The following ZNF699 variants were observed in gnomAD, a reference collection of about 807,000 sequenced individuals.
ZNF699 encodes the protein hangover homolog.
A neutral mutation model predicts 22.5 loss-of-function variants in ZNF699; 18 were observed. The ratio of observed to expected loss-of-function variants is 0.80; its 90% CI spans 0.55 to 1.19. The LOEUF is 1.19. Among genes scored for constraint, ZNF699 ranks in the 50% most tolerant of loss-of-function variants. The pLI is 0.00. For missense variants in ZNF699, 670 were observed against 763.4 expected (o/e 0.88, Z 1.44); for synonymous variants, 241 against 262.3 (o/e 0.92, Z 0.78).
rs116497972 is a variant in ZNF699 at position 9,292,329 on chromosome 19, T to A, written c.*3146A>T. Among the ~76,000 whole-genome samples the A allele has an allele frequency of 7.6e-4, 115 of 152,248 alleles. No homozygotes were observed. The highest frequency in any genetic ancestry group is 2.6e-3 in the African/African-American group (109 of 41,552). On this transcript the variant is annotated 3_prime_UTR_variant, in exon 6 of 6. Transcript: ENST00000591998. ...CCCCAGGCCAGTGACTAGAGTACAG[T>A]GGGCAAGTGAGCCAATCAGAGCCAA...
chr19:9,307,882 G>A (rs1299293670), intron 1 of ZNF699, among the ~76,000 whole-genome samples: 1 of 151,566 alleles, frequency 6.6e-6, no homozygotes, highest in African/African-American at 2.4e-5. Flanking sequence ...AGGAGGCAGA[G>A]GTTGCAGTGA....
chr19:9,298,508 A>T (rs2144977291), intron 3 of ZNF699, among the ~76,000 whole-genome samples: 1 of 152,172 alleles, frequency 6.6e-6, no homozygotes, highest in South Asian at 2.1e-4. Flanking sequence ...AACTGATCTA[A>T]TGTTCACACC....
chr19:9,295,303 G>T lies in ZNF699; in HGVS notation c.*172C>A. Reference sequence around the variant, plus strand: ...ATACATAATAAGCAATGTTCATAAAGGCTTTAGCACATGACTTACATACAC... The same window carrying T: ...ATACATAATAAGCAATGTTCATAAATGCTTTAGCACATGACTTACATACAC... On this transcript the variant is annotated 3_prime_UTR_variant, in exon 6 of 6. Coordinates refer to ENST00000591998, the MANE Select transcript of ZNF699 (RefSeq NM_198535.3). 1.3e-6 allele frequency: 1 copy of T among 751,390 alleles called. No individual in the cohort carries two copies. Among genetic ancestry groups the T allele is most frequent in the Non-Finnish European group, 2.1e-6 (1 of 473,566 alleles). 46.5% of individuals were successfully genotyped at this position (751,390 alleles called of 1,614,324 possible).
At position 9,293,733 on chromosome 19, in the gene ZNF699, A is replaced by G. The variant is rs1341291501; in HGVS notation, c.*1742T>C. On this transcript the variant is annotated 3_prime_UTR_variant, in exon 6 of 6. Coordinates refer to ENST00000591998, the MANE Select transcript of ZNF699 (RefSeq NM_198535.3). ...TACATGAAATGTCATTAAGCTGTAC[A>G]TTGAAGATTAGCACACTTCATGCAT... is the stretch of plus-strand genomic sequence containing the variant. Among the ~76,000 whole-genome samples the G allele has an allele frequency of 6.6e-6, 1 of 152,208 alleles. No homozygotes were observed. The highest frequency in any genetic ancestry group is 1.5e-5 in the Non-Finnish European group (1 of 68,038).
In ZNF699 at chr19:9,305,602, T is replaced by C. The variant is rs190070225; in HGVS notation, c.-5-478A>G. Among the ~76,000 whole-genome samples, 11 of 152,340 alleles carry C rather than the reference T, an allele frequency of 7.2e-5. No homozygotes were observed. In the East Asian group the frequency reaches 2.1e-3, roughly 29 times the overall value. ...TTCCACTCCCGATATTTCTTACTTC[T>C]GCACCCCTTGGCTGGCTAACAGGCT... is the stretch of plus-strand genomic sequence containing the variant. On this transcript the variant is annotated intron_variant, in intron 1 of 5. Transcript: ENST00000591998.
chr19:9,297,451 T>C lies in ZNF699; in HGVS notation c.315A>G (p.Glu105=), dbSNP rs2144976259. 3 of 1,582,034 alleles carry C rather than the reference T, an allele frequency of 1.9e-6. No homozygotes were observed. The highest frequency in any genetic ancestry group is 4.5e-5 in the East Asian group (2 of 43,984). The change falls in exon 5 of 6, where the codon GAA becomes GAG. Residue 105 remains glutamate (E), a synonymous_variant. Transcript: ENST00000591998. This position sits in a 1 kb window ranked among gnomAD's most constrained non-coding sequence, Gnocchi z 4.3. ...EGFETQLKTN[E]SVASQDICGE... is the part of the protein sequence containing the mutation. Reference sequence around the variant, plus strand: ...CACAAATATCTTGTGAAGCAACTGATTCATTAGTTTTAAGTTGAGTCTCAA... The same window carrying C: ...CACAAATATCTTGTGAAGCAACTGACTCATTAGTTTTAAGTTGAGTCTCAA...
chr19:9,297,393 T>C lies in ZNF699; in HGVS notation c.373A>G (p.Arg125Gly). 6.2e-7 allele frequency: 1 copy of C among 1,605,506 alleles called. No individual in the cohort carries two copies. The highest frequency in any genetic ancestry group is 8.5e-7 in the Non-Finnish European group (1 of 1,178,614). ...AACCAGGAATCATTCCTTTTGAATC[T>C]TACTATTTTCTGTTCATTGGATATT... ...EKISNEQKIVRFKRNDSWFSS... is the reference protein window; with the variant it reads ...EKISNEQKIVGFKRNDSWFSS... Residue 125 changes from arginine (R) to glycine (G), a missense_variant, in exon 5 of 6, where the codon AGA (arginine) becomes GGA (glycine). Transcript: ENST00000591998. The surrounding 1 kb of genome is among the most constrained non-coding windows in gnomAD (Gnocchi z 4.3).
At position 9,293,140 on chromosome 19, in the gene ZNF699, A is replaced by G. The variant is rs945465811; in HGVS notation, c.*2335T>C. On this transcript the variant is annotated 3_prime_UTR_variant, in exon 6 of 6. Coordinates refer to ENST00000591998, the MANE Select transcript of ZNF699 (RefSeq NM_198535.3). ...CAAGAGTCCGTCTCAAAAAAAAAAA[A>G]AAAGAAAAGAAATCATAAATGGATG... Among the ~76,000 whole-genome samples, 12 of 151,916 alleles carry G rather than the reference A, an allele frequency of 7.9e-5. 1 individual carries two copies. The highest frequency in any genetic ancestry group is 2.7e-4 in the African/African-American group (11 of 41,330).
Position 9,295,751 on chromosome 19 carries a change from T to G in ZNF699, c.1653A>C (p.Arg551Ser). 6.2e-7 allele frequency: 1 copy of G among 1,614,012 alleles called. No homozygotes were observed. ...IYPSALRIHM[R>S]THTGEKPYEC... is the part of the protein sequence containing the mutation. ...CATAGGGTTTTTCCCCAGTGTGCGT[T>G]CTCATGTGGATCCTAAGGGCTGAGG... is the stretch of plus-strand genomic sequence containing the variant. The change falls in exon 6 of 6, where the codon AGA becomes AGC. Residue 551 changes from arginine (R) to serine (S), a missense_variant. Arg to Ser is a moderately radical substitution (Grantham distance 110, BLOSUM62 -1). Transcript: ENST00000591998.
chr19:9,295,685 G>A lies in ZNF699; in HGVS notation c.1719C>T (p.Tyr573=). ...ECGKAFRHSS[Y]LTVHARMHTG... is the part of the protein sequence containing the mutation. ...TGTGCATTCTTGCATGTACAGTAAG[G>A]TATGAAGAATGACGAAATGCTTTCC... Residue 573 remains tyrosine, a synonymous_variant, in exon 6 of 6, where the codon TAC becomes TAT. Transcript: ENST00000591998. 1 of 1,614,122 alleles carries A rather than the reference G, an allele frequency of 6.2e-7. No homozygotes were observed. The highest frequency in any genetic ancestry group is 8.5e-7 in the Non-Finnish European group (1 of 1,180,016).
rs749681658 is a variant in ZNF699, at chr19:9,295,723, A to G, written c.1681T>C (p.Cys561Arg). The G allele has an allele frequency of 6.2e-6, 10 of 1,614,022 alleles. No homozygotes were observed. Among genetic ancestry groups the G allele is most frequent in the Non-Finnish European group, 8.5e-6 (10 of 1,180,020 alleles). Residue 561 changes from cysteine (C) to arginine (R), a missense_variant, in exon 6 of 6, where the codon TGT becomes CGT. Coordinates refer to ENST00000591998, the MANE Select transcript of ZNF699 (RefSeq NM_198535.3). ...CGAAATGCTTTCCCACATTCCTTAC[A>G]TTCATAGGGTTTTTCCCCAGTGTGC... The part of the protein sequence containing the change: ...RTHTGEKPYE[C>R]KECGKAFRHS...
At chr19:9,306,391 CA>C (rs145368969) in intron 1 of ZNF699, among the ~76,000 whole-genome samples, 37 of 139,530 alleles carry the variant, frequency 2.7e-4, no homozygotes, top group East Asian at 6.3e-4. Flanking sequence ...GACTCCATCT[CA>C]AAAAAAAAAA....
At position 9,292,775 on chromosome 19, in the gene ZNF699, T is replaced by C. The variant is rs1420850053; in HGVS notation, c.*2700A>G. Among the ~76,000 whole-genome samples the C allele has an allele frequency of 1.3e-5, 2 of 151,980 alleles. No homozygotes were observed. Among genetic ancestry groups the C allele is most frequent in the Non-Finnish European group, 2.9e-5 (2 of 67,996 alleles). ...CTATGCATGTGTACCTAGATATAGA[T>C]ATACATACATACAATAAAGGACAAG... On this transcript the variant is annotated 3_prime_UTR_variant, in exon 6 of 6. Transcript: ENST00000591998.
intron 3 of ZNF699, 28 bp from the exon 4 acceptor site, chr19:9,298,018 G>A: frequency 6.9e-7 from 1 of 1,442,606 alleles, no homozygotes; most frequent in Non-Finnish European, 9.7e-7. Context: ...CATATCACGA[G>A]GGAAAATAAT....
chr19:9,297,549 G>T lies in ZNF699; in HGVS notation c.287-70C>A. ...AGCAGAGTGACTATTTCAGGACTTT[G>T]GTATTAATAGGCACAAGGGTCAAAA... On this transcript the variant is annotated intron_variant, in intron 4 of 5. Transcript: ENST00000591998. The surrounding 1 kb of genome is among the most constrained non-coding windows in gnomAD (Gnocchi z 4.3). 1.6e-6 allele frequency: 2 copies of T among 1,242,292 alleles called. No homozygotes were observed. The highest frequency in any genetic ancestry group is 2.2e-6 in the Non-Finnish European group (2 of 903,168). 77.0% of individuals were successfully genotyped at this position (1,242,292 alleles called of 1,614,324 possible).
At chr19:9,303,814 T>C (rs1053972231) in intron 2 of ZNF699, among the ~76,000 whole-genome samples, 1 of 150,236 alleles carries the variant, frequency 6.7e-6, no homozygotes, top group Non-Finnish European at 1.5e-5. Context: ...GAAAACCAAA[T>C]TGTTTTCTTT....
At chr19:9,305,214 G>T in intron 1 of ZNF699, 90 bp from the exon 2 acceptor site, 1 of 1,017,502 alleles carries the variant, frequency 9.8e-7, no homozygotes, top group Non-Finnish European at 1.5e-6. Flanking sequence ...ACACTCATGA[G>T]CCTGGATGTT....
chr19:9,303,361 C>G (rs1409612375), intron 2 of ZNF699, among the ~76,000 whole-genome samples: 1 of 152,222 alleles, frequency 6.6e-6, no homozygotes. Flanking sequence ...AGGGCTCCTA[C>G]TACCCTCTCC....
intron 3 of ZNF699, among the ~76,000 whole-genome samples, chr19:9,298,421 G>A (rs542873921): frequency 9.4e-5 from 14 of 148,724 alleles, no homozygotes; most frequent in African/African-American, 2.0e-4. Context: ...ACTCCCGCCC[G>A]GGCGACAGAG....
Sources: gnomAD v4.1 joint callset for allele counts (sites outside exome capture counted in the v4.1 genomes callset) on GRCh38, gnomAD v4.1.1 for gene constraint, Gnocchi (gnomAD v3.1) non-coding constraint, MANE v1.5 for transcripts, NCBI Gene and HGNC (gene_info 2026-07-23, HGNC 2026-07-21) for gene names.